The following SCAMP2 variants were observed in gnomAD, a reference collection of about 807,000 sequenced individuals.
The protein encoded by SCAMP2 is secretory carrier-associated membrane protein 2.
A neutral mutation model predicts 44.1 loss-of-function variants in SCAMP2; 25 were observed. The ratio of observed to expected loss-of-function variants is 0.57; its 90% CI spans 0.41 to 0.79. SCAMP2 has a LOEUF of 0.79. Among genes scored for constraint, SCAMP2 ranks in the 30% least tolerant of loss-of-function variants. SCAMP2 has a pLI of 0.00. For synonymous variants in SCAMP2, 156 were observed against 166.0 expected (o/e 0.94, Z 0.46); for missense variants, 355 against 411.0 (o/e 0.86, Z 1.18).
chr15:74,845,277 A>T, intron 8 of SCAMP2, 60 bp from the exon 9 acceptor site: 1 of 1,597,544 alleles, frequency 6.3e-7, no homozygotes, highest in Non-Finnish European at 8.5e-7. Flanking sequence ...GAAGCCAGCC[A>T]TCCAGGTTAT....
At chr15:74,868,090 T>C (rs1249545561) in intron 1 of SCAMP2, among the ~76,000 whole-genome samples, 1 of 152,178 alleles carries the variant, frequency 6.6e-6, no homozygotes, top group Non-Finnish European at 1.5e-5. Context: ...ACCGAAATAC[T>C]CAGAGGGTAC....
chr15:74,860,426 C>T (rs944778674), intron 1 of SCAMP2, among the ~76,000 whole-genome samples: 2 of 151,720 alleles, frequency 1.3e-5, no homozygotes, highest in Non-Finnish European at 2.9e-5. Flanking sequence ...TGATGGCTCA[C>T]GCCTGTAATC....
chr15:74,861,626 T>C (rs1447843226), intron 1 of SCAMP2, among the ~76,000 whole-genome samples: 3 of 152,100 alleles, frequency 2.0e-5, no homozygotes, highest in South Asian at 2.1e-4. Flanking sequence ...TGGTCGGGCA[T>C]GGTGGCTCAC....
chr15:74,862,100 A>C (rs1317411366), intron 1 of SCAMP2, among the ~76,000 whole-genome samples: 1 of 148,048 alleles, frequency 6.8e-6, no homozygotes, highest in Admixed American at 6.8e-5. Flanking sequence ...CCAAAAAAAA[A>C]AAAAATACAA....
chr15:74,869,101 C>G (rs953447279), intron 1 of SCAMP2, among the ~76,000 whole-genome samples: 2 of 152,112 alleles, frequency 1.3e-5, no homozygotes, highest in Non-Finnish European at 2.9e-5. Context: ...CTGCAGTGAG[C>G]CAAGATCGCA....
In SCAMP2 at chr15:74,847,185, G is replaced by T. The variant is rs919054643; in HGVS notation, c.734+1415C>A. On this transcript the variant is annotated intron_variant, in intron 7 of 8. Transcript: ENST00000268099. ...CGGCTCACTGCAACCTCCACCTCCC[G>T]GGTTCAAGTGATTCTTCTGCCTCAG... Among the ~76,000 whole-genome samples the T allele has an allele frequency of 4.9e-5, 7 of 141,642 alleles. No homozygotes were observed. In the South Asian group the frequency reaches 1.6e-3, roughly 32 times the overall value. 92.9% of individuals were successfully genotyped at this position (141,642 alleles called of 152,430 possible).
intron 2 of SCAMP2, 56 bp from the exon 3 acceptor site, chr15:74,854,175 A>AG: frequency 6.7e-7 from 1 of 1,499,858 alleles, no homozygotes; most frequent in Non-Finnish European, 9.3e-7. Context: ...GCTGGTGACG[A>AG]GGGGGCAAAC....
At chr15:74,872,231 G>A (rs2064580903) in intron 1 of SCAMP2, among the ~76,000 whole-genome samples, 1 of 151,972 alleles carries the variant, frequency 6.6e-6, no homozygotes, top group Admixed American at 6.6e-5. Context: ...TGGCCAACAC[G>A]GTGAAACCCC....
In SCAMP2 at chr15:74,850,657, CAG is replaced by C; in HGVS notation, c.487_488del (p.Leu163ValfsTer45). ...YYLWMLHSVT[L>X]FLNLLACLAW... ...CCAGGCAGGCAAGCAGGTTCAGAAA[CAG>C]AGTCACTGAATGCACTGGGGAAGGG... On this transcript the variant is annotated frameshift_variant, in exon 6 of 9. Coordinates refer to ENST00000268099, the MANE Select transcript of SCAMP2 (RefSeq NM_005697.5). LOFTEE classifies it high-confidence loss of function. The C allele has an allele frequency of 1.2e-6, 2 of 1,613,990 alleles. No homozygotes were observed. Among genetic ancestry groups the C allele is most frequent in the South Asian group, 1.1e-5 (1 of 91,084 alleles).
intron 4 of SCAMP2, 125 bp from the exon 5 acceptor site, chr15:74,851,606 T>C: frequency 8.3e-7 from 1 of 1,211,846 alleles, no homozygotes; most frequent in Non-Finnish European, 1.2e-6. Context: ...CAAGCGGGGC[T>C]TGGAGTCTGC....
In SCAMP2 at chr15:74,845,508, G is replaced by C. The variant is rs751019735; in HGVS notation, c.820C>G (p.Leu274Val). The stretch of plus-strand genomic sequence containing the variant: ...AGGAAGACTGAGAGCACGGCACAGA[G>C]GGTGAAGAAGCCAGCCACCACCATC... Reference protein sequence around the residue: ...IMMVVAGFFTLCAVLSVFLLQ... With the variant: ...IMMVVAGFFTVCAVLSVFLLQ... Residue 274 changes from leucine to valine, a missense_variant, in exon 8 of 9, where the codon CTC (leucine) becomes GTC (valine). Coordinates refer to ENST00000268099, the MANE Select transcript of SCAMP2 (RefSeq NM_005697.5). The C allele has an allele frequency of 6.2e-7, 1 of 1,614,150 alleles. No homozygotes were observed. Among genetic ancestry groups the C allele is most frequent in the Non-Finnish European group, 8.5e-7 (1 of 1,180,024 alleles).
chr15:74,862,853 T>TACACACACACACACACACAC (rs112611741), intron 1 of SCAMP2, among the ~76,000 whole-genome samples: 3 of 87,476 alleles, frequency 3.4e-5, no homozygotes, highest in Non-Finnish European at 7.1e-5. Context: ...AAACAAACCA[T>TACACACACACACACACACAC]ACACACACAC....
At chr15:74,871,104 C>A (rs1227712117) in intron 1 of SCAMP2, among the ~76,000 whole-genome samples, 1 of 152,156 alleles carries the variant, frequency 6.6e-6, no homozygotes, top group East Asian at 1.9e-4. Flanking sequence ...AGTTCAGCCC[C>A]TCATGGTGGA....
intron 1 of SCAMP2, among the ~76,000 whole-genome samples, chr15:74,857,952 G>C (rs750550794): frequency 1.2e-4 from 19 of 152,208 alleles, no homozygotes; most frequent in Non-Finnish European, 2.5e-4. Context: ...CACTGCCCAA[G>C]TGCCAGGGCA....
At chr15:74,846,545 C>T (rs2064401170) in intron 7 of SCAMP2, among the ~76,000 whole-genome samples, 2 of 152,024 alleles carry the variant, frequency 1.3e-5, no homozygotes, top group Admixed American at 1.3e-4. Context: ...GGGCGGATCA[C>T]GAGGTCAGCA....
intron 1 of SCAMP2, among the ~76,000 whole-genome samples, chr15:74,859,170 TA>T: frequency 6.6e-6 from 1 of 152,230 alleles, no homozygotes; most frequent in Middle Eastern, 3.4e-3. Context: ...CAAGGAGGAA[TA>T]ACCTAAAACT....
At chr15:74,851,548 C>T (rs1567250106) in intron 4 of SCAMP2, 67 bp from the exon 5 acceptor site, 20 of 1,595,838 alleles carry the variant, frequency 1.3e-5, no homozygotes, top group Admixed American at 1.7e-5. Flanking sequence ...GGTGCATGCA[C>T]GCCAGCATAG....
intron 2 of SCAMP2, 129 bp downstream of exon 2, chr15:74,854,452 T>A: frequency 1.2e-6 from 1 of 816,336 alleles, no homozygotes; most frequent in South Asian, 1.4e-5. Context: ...CGGGTTCATG[T>A]TAGGACTGTC....
At chr15:74,868,289 C>T (rs2064555280) in intron 1 of SCAMP2, among the ~76,000 whole-genome samples, 1 of 152,204 alleles carries the variant, frequency 6.6e-6, no homozygotes, top group Non-Finnish European at 1.5e-5. Context: ...CGATCATAAC[C>T]ACACGCAAGG....
Sources: gnomAD v4.1 joint callset for allele counts (sites outside exome capture counted in the v4.1 genomes callset) on GRCh38, gnomAD v4.1.1 for gene constraint, MANE v1.5 for transcripts, NCBI Gene and HGNC (gene_info 2026-07-23, HGNC 2026-07-21) for gene names.